The following ARAF variants were observed in gnomAD, a reference collection of about 807,000 sequenced individuals.
The protein encoded by ARAF is serine/threonine-protein kinase A-Raf.
ARAF carries 18 observed loss-of-function variants against 48.0 expected under a neutral mutation model. The ratio of observed to expected loss-of-function variants is 0.37; its 90% CI spans 0.26 to 0.56. ARAF has a LOEUF of 0.56. ARAF is among the 20% of genes least tolerant of loss of function. ARAF has a pLI of 0.77. For synonymous variants in ARAF, 207 were observed against 220.1 expected (o/e 0.94, Z 0.53); for missense variants, 389 against 543.1 (o/e 0.72, Z 2.82).
At chrX:47,566,034 A>G (rs1452376195) in intron 6 of ARAF, 2 of 115,632 alleles carry the variant, frequency 1.7e-5, no homozygotes, top group African/African-American at 3.2e-5. Context: ...TGAAGGGAAC[A>G]TTAACATATT....
chrX:47,562,942 C>T lies in ARAF; in HGVS notation c.-26C>T, dbSNP rs1177399110. On this transcript the variant is annotated 5_prime_UTR_variant, in exon 2 of 16. Transcript: ENST00000377045. ...TGGCACCTGCCCAGCCCCACCTCAG[C>T]CCATCTTGACAAAATCTAAGGCTCC... is the stretch of plus-strand genomic sequence containing the variant. 8.9e-7 allele frequency: 1 copy of T among 1,124,879 alleles called. No homozygotes were observed. The highest frequency in any genetic ancestry group is 3.3e-5 in the East Asian group (1 of 30,446). 92.7% of individuals were successfully genotyped at this position (1,124,879 alleles called of 1,213,427 possible). A position where few individuals can be genotyped will look rare whatever the true frequency, so the allele number is the denominator to read the frequency against.
At position 47,564,894 on chromosome X, in the gene ARAF, A is replaced by G. The variant is rs1169298813; in HGVS notation, c.298A>G (p.Asn100Asp). The G allele has an allele frequency of 8.3e-7, 1 of 1,209,162 alleles. No individual in the cohort carries two copies. Among genetic ancestry groups the G allele is most frequent in the Non-Finnish European group, 1.1e-6 (1 of 894,546 alleles). The change falls in exon 4 of 16, where the codon AAT (asparagine) becomes GAT (aspartate). Residue 100 changes from asparagine (N) to aspartate (D), a missense_variant. Physicochemically the swap from Asn to Asp is conservative, Grantham distance 23. Transcript: ENST00000377045. Reference sequence around the variant, plus strand: ...TGAAGATGTCCCGCTGACCATGCACAATTTTGTGAGTGCAGGGTGGACGGT... The same window carrying G: ...TGAAGATGTCCCGCTGACCATGCACGATTTTGTGAGTGCAGGGTGGACGGT... ...VLEDVPLTMH[N>D]FVRKTFFSLA...
chrX:47,565,454 A>T (rs2057728701), intron 6 of ARAF, 104 bp downstream of exon 6: 1 of 1,104,652 alleles, frequency 9.1e-7, no homozygotes, highest in Non-Finnish European at 1.2e-6. Context: ...ACAAACATTT[A>T]TTGAGCACCT....
rs768457112 is a variant in ARAF, at chrX:47,563,208, A to C, written c.97-18A>C. On this transcript the variant is annotated intron_variant, in intron 2 of 15. Transcript: ENST00000377045. ...TCTGTTGGGCATTGAGGACCCCTAC[A>C]TCTGCACATACACACAGGTGACTGT... The C allele has an allele frequency of 8.3e-6, 10 of 1,199,200 alleles. No homozygotes were observed. In the African/African-American group the frequency reaches 1.4e-4, roughly 17 times the overall value.
chrX:47,568,535 T>C (rs2057742504), intron 10 of ARAF, among the ~76,000 whole-genome samples, 183 bp from the exon 11 acceptor site: 1 of 111,023 alleles, frequency 9.0e-6, no homozygotes. Context: ...CACAGAATCA[T>C]AGCCCAGTAA....
rs2057733844 is a variant in ARAF, at chrX:47,566,621, C to T, written c.558-18C>T. On this transcript the variant is annotated intron_variant, in intron 6 of 15. Coordinates refer to ENST00000377045, the MANE Select transcript of ARAF (RefSeq NM_001654.5). Reference sequence around the variant, plus strand: ...TCTCTGATTCCTGGCAGTGATTTCACAGCCTTTCCCCTGGCAGCCCCCGCA... The same window carrying T: ...TCTCTGATTCCTGGCAGTGATTTCATAGCCTTTCCCCTGGCAGCCCCCGCA... 5.3e-6 allele frequency: 6 copies of T among 1,141,004 alleles called. No individual in the cohort carries two copies. The highest frequency in any genetic ancestry group is 2.8e-5 in the Admixed American group (1 of 35,298). 94.0% of individuals were successfully genotyped at this position (1,141,004 alleles called of 1,213,427 possible).
At position 47,565,359 on chromosome X, in the gene ARAF, G is replaced by GGGATA. The variant is rs1385050536; in HGVS notation, c.557+9_557+10insGGATA. On this transcript the variant is annotated intron_variant, in intron 6 of 15. Coordinates refer to ENST00000377045, the MANE Select transcript of ARAF (RefSeq NM_001654.5). ...ACCCCCCAGGGTCCCAGGTAGGGAT[G>GGGATA]CCTTAGCTGAAGAGCTGCTGGGGGA... 3 of 1,206,381 alleles carry GGGATA rather than the reference G, an allele frequency of 2.5e-6. No individual in the cohort carries two copies. The highest frequency in any genetic ancestry group is 4.4e-5 in the Admixed American group (2 of 45,565).
intron 3 of ARAF, among the ~76,000 whole-genome samples, chrX:47,564,376 CTTTA>C (rs1193738869): frequency 8.9e-6 from 1 of 112,108 alleles, no homozygotes; most frequent in Non-Finnish European, 1.9e-5. Context: ...GTCTTGCTGA[CTTTA>C]TTTATTCCTC....
intron 14 of ARAF, chrX:47,570,341 A>G (rs536011160): frequency 4.5e-6 from 1 of 220,393 alleles, no homozygotes; most frequent in South Asian, 1.3e-4. Context: ...GTATCCCTAG[A>G]CGCCTATAGT....
At chrX:47,569,340 G>A (rs886284474) in intron 12 of ARAF, 199 bp from the exon 13 acceptor site, 30 of 465,674 alleles carry the variant, frequency 6.4e-5, no homozygotes, top group Middle Eastern at 5.4e-4. Flanking sequence ...CTGTTCAGGA[G>A]TCACAGCGGG....
rs778667261 is a variant in ARAF, at chrX:47,563,937, G to A, written c.200+608G>A. Among the ~76,000 whole-genome samples, 116 of 112,013 alleles carry A rather than the reference G, an allele frequency of 1.0e-3. 1 individual carries two copies. The highest frequency in any genetic ancestry group is 3.7e-3 in the African/African-American group (114 of 30,791). ...CTGAGCAGGCTACTAAGTGATGGGCGGTAGCGTAGACAGTGTGGATCTGCT... is the reference window on the plus strand; with the variant it reads ...CTGAGCAGGCTACTAAGTGATGGGCAGTAGCGTAGACAGTGTGGATCTGCT... On this transcript the variant is annotated intron_variant, in intron 3 of 15. Transcript: ENST00000377045.
intron 1 of ARAF, among the ~76,000 whole-genome samples, chrX:47,561,921 A>G (rs1358464651): frequency 3.8e-5 from 4 of 104,126 alleles, no homozygotes; most frequent in African/African-American, 1.4e-4. Flanking sequence ...TCCCCATTAC[A>G]GTCCCTAGTG....
Position 47,568,871 on chromosome X carries a change from C to T in ARAF, c.1230C>T (p.Ala410=). Residue 410 remains alanine, a synonymous_variant, in exon 11 of 16, where the codon GCC becomes GCT. Coordinates refer to ENST00000377045, the MANE Select transcript of ARAF (RefSeq NM_001654.5). ...RFDMVQLIDV[A]RQTAQGMDYL... ...ACATGGTCCAGCTCATCGACGTGGC[C>T]CGGCAGACTGCCCAGGGCATGGAGT... is the stretch of plus-strand genomic sequence containing the variant. 1 of 1,210,412 alleles carries T rather than the reference C, an allele frequency of 8.3e-7. No individual in the cohort carries two copies. The highest frequency in any genetic ancestry group is 3.0e-5 in the East Asian group (1 of 33,768).
Position 47,564,791 on chromosome X carries a change from C to G in ARAF, c.201-6C>G, listed in dbSNP as rs759466793. The stretch of plus-strand genomic sequence containing the variant: ...TCCCACTCATTCCTTTCCATGCCCC[C>G]TGCAGACGAAAGACGGTCACTGCCT... On this transcript the variant is annotated splice_region_variant and splice_polypyrimidine_tract_variant and intron_variant, in intron 3 of 15. Transcript: ENST00000377045. The G allele has an allele frequency of 8.4e-7, 1 of 1,192,085 alleles. No individual in the cohort carries two copies. Among genetic ancestry groups the G allele is most frequent in the Non-Finnish European group, 1.1e-6 (1 of 884,063 alleles).
intron 1 of ARAF, 22 bp downstream of exon 1, chrX:47,561,273 C>T (rs369241155): frequency 8.9e-6 from 1 of 112,259 alleles, no homozygotes; most frequent in East Asian, 2.9e-4. Flanking sequence ...CCCGGGAGGG[C>T]TCGGTTTCTG....
rs1167688741 is a variant in ARAF at position 47,571,553 on chromosome X, C to T, written c.*96C>T. 12 of 1,061,675 alleles carry T rather than the reference C, an allele frequency of 1.1e-5. No homozygotes were observed. The highest frequency in any genetic ancestry group is 3.4e-4 in the Middle Eastern group (1 of 2,912). 87.5% of individuals were successfully genotyped at this position (1,061,675 alleles called of 1,213,427 possible). On this transcript the variant is annotated 3_prime_UTR_variant, in exon 16 of 16. Coordinates refer to ENST00000377045, the MANE Select transcript of ARAF (RefSeq NM_001654.5). The stretch of plus-strand genomic sequence containing the variant: ...ATGTTCGTCTCTGCCCTGATGCTGC[C>T]TCAGGATCCCCCATTCCCCACCCTG...
intron 2 of ARAF, 60 bp from the exon 3 acceptor site, chrX:47,563,166 G>A (rs978507529): frequency 8.6e-7 from 1 of 1,158,863 alleles, no homozygotes; most frequent in African/African-American, 1.8e-5. Flanking sequence ...CAGAAGGATG[G>A]GAACATCAGC....
chrX:47,564,172 C>T (rs980219601), intron 3 of ARAF, among the ~76,000 whole-genome samples: 39 of 112,364 alleles, frequency 3.5e-4, no homozygotes, highest in Non-Finnish European at 6.6e-4. Flanking sequence ...TCTATGAGTT[C>T]ATCCATCTTT....
In ARAF at chrX:47,566,807, G is replaced by A. The variant is rs751184651; in HGVS notation, c.699+27G>A. 8.3e-6 allele frequency: 10 copies of A among 1,209,554 alleles called. 1 individual carries two copies. The highest frequency in any genetic ancestry group is 6.6e-5 in the Admixed American group (3 of 45,780). On this transcript the variant is annotated intron_variant, in intron 7 of 15. Transcript: ENST00000377045. ...TTGGTGCTGTGGGGGACAATGCCGG[G>A]GACCACAGGGCAGAGGGTAGAGCCA...
Sources: gnomAD v4.1 joint callset for allele counts (sites outside exome capture counted in the v4.1 genomes callset) on GRCh38, gnomAD v4.1.1 for gene constraint, MANE v1.5 for transcripts, NCBI Gene and HGNC (gene_info 2026-07-23, HGNC 2026-07-21) for gene names.